GMDS: variants seen among roughly 807,000 people sequenced by gnomAD.
The protein encoded by GMDS is GDP-mannose 4,6 dehydratase.
In GMDS, 20 loss-of-function variants were observed where a neutral mutation model predicts 49.9. That is an observed-to-expected ratio of 0.40 (90% CI 0.28 to 0.58). The LOEUF (loss-of-function observed/expected upper bound fraction) is 0.58, where lower values mean the gene tolerates loss of function less well. Among genes scored for constraint, GMDS ranks in the 20% least tolerant of loss-of-function variants. The pLI is 0.42. For missense variants in GMDS, 362 were observed against 481.4 expected (o/e 0.75, Z 2.32); for synonymous variants, 177 against 178.6 (o/e 0.99, Z 0.07).
At chr6:1,796,597 C>T (rs1228168112) in intron 7 of GMDS, among the ~76,000 whole-genome samples, 1 of 152,198 alleles carries the variant, frequency 6.6e-6, no homozygotes, top group Non-Finnish European at 1.5e-5. Flanking sequence ...AATCACAACC[C>T]TCAAAATTTA....
At chr6:1,792,805 ATCTGTACT>A (rs1381868415) in intron 7 of GMDS, among the ~76,000 whole-genome samples, 1 of 152,142 alleles carries the variant, frequency 6.6e-6, no homozygotes, top group Non-Finnish European at 1.5e-5. Context: ...TGTGTCTGAA[ATCTGTACT>A]TCTGGAAGTT....
In GMDS at chr6:2,045,802, T is replaced by G. The variant is rs919353661; in HGVS notation, c.345+69969A>C. ...AAATCAAATTAAATATATTTTACTATGAGCTTAATTTCAACAATCCCATTT... is the reference window on the plus strand; with the variant it reads ...AAATCAAATTAAATATATTTTACTAGGAGCTTAATTTCAACAATCCCATTT... On this transcript the variant is annotated intron_variant, in intron 4 of 10. Coordinates refer to ENST00000380815, the MANE Select transcript of GMDS (RefSeq NM_001500.4). Among the ~76,000 whole-genome samples the G allele has an allele frequency of 5.9e-5, 9 of 152,302 alleles. 1 individual carries two copies. The highest frequency in any genetic ancestry group is 1.9e-4 in the African/African-American group (8 of 41,560).
At chr6:1,941,723 G>A (rs1042458550) in intron 6 of GMDS, among the ~76,000 whole-genome samples, 5 of 152,154 alleles carry the variant, frequency 3.3e-5, no homozygotes, top group Admixed American at 1.3e-4. Context: ...TAGTGATGAC[G>A]GAGAAACTGA....
chr6:1,849,999 C>T (rs1171571054), intron 7 of GMDS, among the ~76,000 whole-genome samples: 3 of 152,202 alleles, frequency 2.0e-5, no homozygotes, highest in Non-Finnish European at 2.9e-5. Context: ...ATTCACTGCA[C>T]ATAAAATACT....
intron 7 of GMDS, among the ~76,000 whole-genome samples, chr6:1,827,281 A>C (rs72841939): frequency 1.2e-4 from 19 of 152,110 alleles, no homozygotes; most frequent in East Asian, 5.8e-4. Flanking sequence ...TTTGGAAAAC[A>C]TGTATATACA....
Position 1,771,304 on chromosome 6 carries a change from C to A in GMDS, c.772-28718G>T, listed in dbSNP as rs113836885. On this transcript the variant is annotated intron_variant, in intron 7 of 10. Coordinates refer to ENST00000380815, the MANE Select transcript of GMDS (RefSeq NM_001500.4). ...TTCCTCCTCACTCTCTTCAACCTAACTTAGGATGCTGAAAGAAACCATGAG... is the reference window on the plus strand; with the variant it reads ...TTCCTCCTCACTCTCTTCAACCTAAATTAGGATGCTGAAAGAAACCATGAG... 8.8e-3 allele frequency among the ~76,000 whole-genome samples: 1,343 copies of A among 152,274 alleles called. 15 individuals carry two copies. Among genetic ancestry groups the A allele is most frequent in the African/African-American group, 0.03 (1,262 of 41,544 alleles).
chr6:1,807,599 T>C (rs1770234600), intron 7 of GMDS, among the ~76,000 whole-genome samples: 1 of 152,186 alleles, frequency 6.6e-6, no homozygotes, highest in Non-Finnish European at 1.5e-5. Context: ...TATAAATGTA[T>C]CTATTATTCT....
chr6:1,835,139 G>A (rs1018730979), intron 7 of GMDS, among the ~76,000 whole-genome samples: 2 of 152,170 alleles, frequency 1.3e-5, no homozygotes, highest in Admixed American at 6.5e-5. Flanking sequence ...GACGGGAGGG[G>A]CACAGAGTCT....
intron 6 of GMDS, among the ~76,000 whole-genome samples, chr6:1,958,401 ACT>A (rs1348935441): frequency 6.6e-6 from 1 of 151,930 alleles, no homozygotes; most frequent in Non-Finnish European, 1.5e-5. Flanking sequence ...GACTGAGCAG[ACT>A]CTGTGGGCGC....
At chr6:1,776,054 G>T (rs556080040) in intron 7 of GMDS, among the ~76,000 whole-genome samples, 1 of 152,146 alleles carries the variant, frequency 6.6e-6, no homozygotes, top group Non-Finnish European at 1.5e-5. Flanking sequence ...TGCTACCGTC[G>T]TGGAATGACA....
chr6:1,702,167 T>C (rs1765565433), intron 9 of GMDS, among the ~76,000 whole-genome samples: 1 of 152,236 alleles, frequency 6.6e-6, no homozygotes. Flanking sequence ...AGCTCGAGCT[T>C]TGACAGCAGT....
intron 7 of GMDS, among the ~76,000 whole-genome samples, chr6:1,751,774 G>C (rs1352516392): frequency 6.6e-6 from 1 of 152,188 alleles, no homozygotes; most frequent in African/African-American, 2.4e-5. Flanking sequence ...TTACAGGCAT[G>C]AGCCACCGTG....
intron 7 of GMDS, among the ~76,000 whole-genome samples, chr6:1,779,228 A>G (rs1768974390): frequency 6.6e-6 from 1 of 152,100 alleles, no homozygotes; most frequent in Admixed American, 6.5e-5. Context: ...AGGGTCTTTC[A>G]TCCCCTGATG....
chr6:2,244,220 A>G (rs1051106898), intron 1 of GMDS, among the ~76,000 whole-genome samples: 4 of 151,924 alleles, frequency 2.6e-5, no homozygotes, highest in Non-Finnish European at 5.9e-5. Context: ...TTCAATACCA[A>G]CTGGACACTT....
rs372889943 is a variant in GMDS, at chr6:2,126,427, AG to A, written c.103-1697del. ...TTCAAAAGCTCCTACCAGATATTCCAGGGGGAAAAAAAAACAAAAAACCTTT... is the reference window on the plus strand; with the variant it reads ...TTCAAAAGCTCCTACCAGATATTCCAGGGGAAAAAAAAACAAAAAACCTTT... On this transcript the variant is annotated intron_variant, in intron 1 of 10. Coordinates refer to ENST00000380815, the MANE Select transcript of GMDS (RefSeq NM_001500.4). 6.9e-3 allele frequency among the ~76,000 whole-genome samples: 1,053 copies of A among 152,210 alleles called. 12 individuals carry two copies. Among genetic ancestry groups the A allele is most frequent in the African/African-American group, 0.024 (1,003 of 41,534 alleles).
At chr6:2,007,785 T>C (rs1231993509) in intron 4 of GMDS, among the ~76,000 whole-genome samples, 1 of 152,154 alleles carries the variant, frequency 6.6e-6, no homozygotes, top group Non-Finnish European at 1.5e-5. Context: ...TTGAAAACAA[T>C]CTTATAGTTC....
intron 1 of GMDS, among the ~76,000 whole-genome samples, chr6:2,239,547 A>C (rs1781515641): frequency 6.6e-6 from 1 of 152,214 alleles, no homozygotes; most frequent in Non-Finnish European, 1.5e-5. Context: ...CACTCAAAAA[A>C]TGTAAGGCTA....
At chr6:1,995,883 TCTA>T (rs1766246232) in intron 4 of GMDS, among the ~76,000 whole-genome samples, 1 of 120,098 alleles carries the variant, frequency 8.3e-6, no homozygotes, top group African/African-American at 3.6e-5. Flanking sequence ...TTTGGTGATC[TCTA>T]CTTCTTTGTT....
At chr6:1,698,644 G>C (rs1336949268) in intron 9 of GMDS, among the ~76,000 whole-genome samples, 1 of 152,114 alleles carries the variant, frequency 6.6e-6, no homozygotes, top group Non-Finnish European at 1.5e-5. Flanking sequence ...AGGTGGAGAC[G>C]CTTCTCAGAG....
Sources: gnomAD v4.1 joint callset for allele counts (sites outside exome capture counted in the v4.1 genomes callset) on GRCh38, gnomAD v4.1.1 for gene constraint, MANE v1.5 for transcripts, NCBI Gene and HGNC (gene_info 2026-07-23, HGNC 2026-07-21) for gene names.